The following ADARB2 variants were observed in gnomAD, a reference collection of about 807,000 sequenced individuals.
The protein encoded by ADARB2 is inactive double-stranded RNA-specific editase B2.
ADARB2 carries 25 observed loss-of-function variants against 62.2 expected under a neutral mutation model. That is an observed-to-expected ratio of 0.40 (90% CI 0.29 to 0.56). ADARB2 has a LOEUF of 0.56. Ranked by LOEUF, ADARB2 falls within the 20% of genes least tolerant of loss-of-function variation. The probability of loss-of-function intolerance (pLI) is 0.43; values close to 1 mark genes in which losing one functional copy is unlikely to be tolerated. For synonymous variants in ADARB2, 572 were observed against 500.8 expected (o/e 1.14, Z -1.90); for missense variants, 1,071 against 1,077.4 (o/e 0.99, Z 0.08).
At chr10:1,275,499 T>C (rs938488177) in intron 3 of ADARB2, among the ~76,000 whole-genome samples, 7 of 150,326 alleles carry the variant, frequency 4.7e-5, no homozygotes, top group Non-Finnish European at 8.9e-5. Context: ...CCAGTCTTTC[T>C]TTCTTTCCTT....
At chr10:1,643,183 G>A (rs995109415) in intron 1 of ADARB2, among the ~76,000 whole-genome samples, 1 of 152,086 alleles carries the variant, frequency 6.6e-6, no homozygotes, top group African/African-American at 2.4e-5. Flanking sequence ...CCCTATTTAC[G>A]GTGCTACATT....
chr10:1,624,530 AAC>A (rs1381322259), intron 1 of ADARB2, among the ~76,000 whole-genome samples: 3 of 152,228 alleles, frequency 2.0e-5, no homozygotes, highest in African/African-American at 7.2e-5. Context: ...GCGACAACAG[AAC>A]ACACACATCT....
At chr10:1,670,024 G>A (rs371323114) in intron 1 of ADARB2, among the ~76,000 whole-genome samples, 1 of 152,240 alleles carries the variant, frequency 6.6e-6, no homozygotes, top group African/African-American at 2.4e-5. Flanking sequence ...GCGTCTGTGA[G>A]TCTCACACTT....
At chr10:1,698,419 G>T (rs2119136856) in intron 1 of ADARB2, among the ~76,000 whole-genome samples, 1 of 152,350 alleles carries the variant, frequency 6.6e-6, no homozygotes, top group South Asian at 2.1e-4. Flanking sequence ...GTCATGCACA[G>T]AGCATGGGGG....
chr10:1,539,192 G>A (rs1832377642), intron 1 of ADARB2, among the ~76,000 whole-genome samples: 1 of 152,200 alleles, frequency 6.6e-6, no homozygotes, highest in Non-Finnish European at 1.5e-5. Flanking sequence ...GCTGCTCTGG[G>A]ATTATGCACC....
intron 1 of ADARB2, among the ~76,000 whole-genome samples, chr10:1,546,131 T>G (rs927376357): frequency 1.3e-5 from 2 of 152,092 alleles, no homozygotes. Context: ...TGTTGACTGA[T>G]GGCTCCCCCT....
intron 1 of ADARB2, among the ~76,000 whole-genome samples, chr10:1,727,769 A>T (rs975843823): frequency 2.0e-5 from 3 of 152,178 alleles, no homozygotes; most frequent in Admixed American, 2.0e-4. Context: ...CTGTATCTCC[A>T]TAAACAATAG....
intron 1 of ADARB2, among the ~76,000 whole-genome samples, chr10:1,529,695 G>T (rs1259302105): frequency 6.6e-6 from 1 of 152,222 alleles, no homozygotes; most frequent in Non-Finnish European, 1.5e-5. Context: ...TTCCACGGGA[G>T]GGGGAGGCTT....
At chr10:1,440,888 A>C (rs1036894582) in intron 1 of ADARB2, among the ~76,000 whole-genome samples, 5 of 152,240 alleles carry the variant, frequency 3.3e-5, no homozygotes, top group African/African-American at 1.2e-4. Flanking sequence ...CAAGGTGCTC[A>C]CAGACATGAC....
chr10:1,568,239 G>A (rs537978397), intron 1 of ADARB2, among the ~76,000 whole-genome samples: 1 of 152,304 alleles, frequency 6.6e-6, no homozygotes, highest in Non-Finnish European at 1.5e-5. Flanking sequence ...ACTCTGCCCT[G>A]GTGTCCTATA....
intron 1 of ADARB2, among the ~76,000 whole-genome samples, chr10:1,671,829 C>A (rs1019224564): frequency 1.3e-5 from 2 of 152,092 alleles, no homozygotes; most frequent in Non-Finnish European, 2.9e-5. Flanking sequence ...CACCGAGATG[C>A]CCAGGAAATC....
intron 5 of ADARB2, among the ~76,000 whole-genome samples, chr10:1,235,308 T>A (rs1242569617): frequency 2.4e-5 from 3 of 127,622 alleles, no homozygotes; most frequent in East Asian, 4.4e-4. Flanking sequence ...CATCCAGCCA[T>A]GACCCAGGTG....
In ADARB2 at chr10:1,315,330, C is replaced by T. The variant is rs958849670; in HGVS notation, c.1078-44261G>A. ...CCAGCGCACATGGCTTCCAAGGTTT[C>T]CGCCTTCATTGATTGCTGCTGGGGC... is the stretch of plus-strand genomic sequence containing the variant. On this transcript the variant is annotated intron_variant, in intron 3 of 9. Coordinates refer to ENST00000381312, the MANE Select transcript of ADARB2 (RefSeq NM_018702.4). Among the ~76,000 whole-genome samples, 16 of 152,314 alleles carry T rather than the reference C, an allele frequency of 1.1e-4. No individual in the cohort carries two copies. In the Middle Eastern group the frequency reaches 0.01, roughly 97 times the overall value.
chr10:1,253,083 G>A (rs1210506467), intron 4 of ADARB2, among the ~76,000 whole-genome samples: 2 of 152,172 alleles, frequency 1.3e-5, no homozygotes, highest in Admixed American at 1.3e-4. Flanking sequence ...CTTGAGGCAA[G>A]AATTTAATTG....
intron 1 of ADARB2, among the ~76,000 whole-genome samples, chr10:1,666,166 G>T (rs528235760): frequency 6.6e-6 from 1 of 152,348 alleles, no homozygotes; most frequent in Admixed American, 6.5e-5. Context: ...TGCGCACAAG[G>T]GTTCAGGGCT....
At chr10:1,528,302 C>T (rs1456123634) in intron 1 of ADARB2, among the ~76,000 whole-genome samples, 1 of 152,222 alleles carries the variant, frequency 6.6e-6, no homozygotes, top group Non-Finnish European at 1.5e-5. Context: ...AAATACTGTT[C>T]CTCCATTTCT....
chr10:1,247,850 T>G (rs958454668), intron 4 of ADARB2, among the ~76,000 whole-genome samples: 1 of 152,170 alleles, frequency 6.6e-6, no homozygotes. Context: ...CCTCCAGGTA[T>G]AAACCAGTGG....
rs139250083 is a variant in ADARB2, at chr10:1,386,693, T to C, written c.101-7533A>G. 2.2e-4 allele frequency among the ~76,000 whole-genome samples: 33 copies of C among 152,014 alleles called. No homozygotes were observed. The South Asian group carries it at 3.3e-3, about 15-fold the overall frequency. ...AGCAAAATGAAGGAGGGTAGAAACA[T>C]ACATAATGCTAGTTTGAGATTTTAA... On this transcript the variant is annotated intron_variant, in intron 1 of 9. Transcript: ENST00000381312.
intron 6 of ADARB2, among the ~76,000 whole-genome samples, chr10:1,232,364 CTGTGTGTGG>C (rs1359351722): frequency 4.0e-5 from 6 of 150,584 alleles, no homozygotes; most frequent in African/African-American, 7.3e-5. Context: ...TGTGTGTGGT[CTGTGTGTGG>C]TGTGTGTGGT....
Sources: gnomAD v4.1 joint callset for allele counts (sites outside exome capture counted in the v4.1 genomes callset) on GRCh38, gnomAD v4.1.1 for gene constraint, MANE v1.5 for transcripts, NCBI Gene and HGNC (gene_info 2026-07-23, HGNC 2026-07-21) for gene names.